The following ARB2A variants were observed in gnomAD, a reference collection of about 807,000 sequenced individuals.
ARB2A encodes the protein ARB2 cotranscriptional regulator A.
chr5:93,808,455 A>C, the ARB2A span, among the ~76,000 whole-genome samples: 13,483 of 151,742 alleles, frequency 0.089, 782 homozygotes, highest in Middle Eastern at 0.17. Flanking sequence ...CAAAGAAAAA[A>C]ATAAAAATGT....
the ARB2A span, among the ~76,000 whole-genome samples, chr5:93,798,803 T>C: frequency 6.6e-6 from 1 of 152,148 alleles, no homozygotes; most frequent in South Asian, 2.1e-4. Context: ...TAAGAGCACA[T>C]ATGCCTTAGT....
At chr5:93,928,957 T>G in the ARB2A span, among the ~76,000 whole-genome samples, 4 of 151,926 alleles carry the variant, frequency 2.6e-5, no homozygotes, top group Non-Finnish European at 5.9e-5. Context: ...AATACTTCAA[T>G]GTACCACGAA....
chr5:93,741,633 C>G, the ARB2A span: 1 of 1,428,410 alleles, frequency 7.0e-7, no homozygotes, highest in African/African-American at 1.4e-5. Flanking sequence ...CAGCCACCGG[C>G]CCCCTCAAGC....
the ARB2A span, chr5:93,683,089 A>G: frequency 6.4e-7 from 1 of 1,561,976 alleles, no homozygotes; most frequent in Non-Finnish European, 8.7e-7. Flanking sequence ...AGTCTTTTCC[A>G]TTCTGATTTG....
the ARB2A span, among the ~76,000 whole-genome samples, chr5:93,705,651 G>GTGTGTGTATA: frequency 1.3e-4 from 17 of 132,938 alleles, no homozygotes; most frequent in African/African-American, 4.3e-4. Flanking sequence ...GTGTGTGTGT[G>GTGTGTGTATA]TATATATATA....
chr5:93,988,488 CGTTAACAT>C, the ARB2A span, among the ~76,000 whole-genome samples: 3 of 152,146 alleles, frequency 2.0e-5, no homozygotes, highest in Admixed American at 6.5e-5. Context: ...TCTTTGCTTA[CGTTAACAT>C]CTCCCTTGCC....
chr5:93,919,962 G>A, the ARB2A span, among the ~76,000 whole-genome samples: 2 of 151,974 alleles, frequency 1.3e-5, no homozygotes, highest in East Asian at 1.9e-4. Flanking sequence ...TCCATAAAGT[G>A]TACATTTGCT....
At chr5:93,901,770 G>A in the ARB2A span, among the ~76,000 whole-genome samples, 4 of 152,148 alleles carry the variant, frequency 2.6e-5, no homozygotes, top group Middle Eastern at 6.8e-3. Flanking sequence ...CAATGTACAA[G>A]GGAATAGCTT....
At chr5:94,098,539 T>A in the ARB2A span, among the ~76,000 whole-genome samples, 2 of 151,548 alleles carry the variant, frequency 1.3e-5, no homozygotes, top group South Asian at 2.1e-4. Context: ...ACTAGAAACA[T>A]CCCAAATTAA....
chr5:93,620,898 T>C, the ARB2A span: 1 of 1,521,332 alleles, frequency 6.6e-7, no homozygotes, highest in Non-Finnish European at 8.8e-7. Context: ...AACAATCTAA[T>C]GAGGGGCTGG....
At chr5:93,880,965 G>A in the ARB2A span, among the ~76,000 whole-genome samples, 1 of 151,588 alleles carries the variant, frequency 6.6e-6, no homozygotes, top group African/African-American at 2.4e-5. Context: ...GTAGATAGTT[G>A]CTCATCGTAA....
chr5:93,741,401 AGATCCCT>A, the ARB2A span: 9 of 1,613,248 alleles, frequency 5.6e-6, no homozygotes, highest in Non-Finnish European at 7.6e-6. Context: ...GGGCCTGGGC[AGATCCCT>A]GGCCTGACTG....
chr5:93,927,672 G>A, the ARB2A span, among the ~76,000 whole-genome samples: 4 of 152,074 alleles, frequency 2.6e-5, no homozygotes, highest in Non-Finnish European at 4.4e-5. Flanking sequence ...AATTGGTTCC[G>A]AATTTAGGTG....
At chr5:93,716,678 G>T in the ARB2A span, among the ~76,000 whole-genome samples, 7 of 105,416 alleles carry the variant, frequency 6.6e-5, no homozygotes, top group Admixed American at 8.9e-4. Flanking sequence ...TCACATTTCT[G>T]TACTATAAGC....
At chr5:93,757,052 T>C in the ARB2A span, among the ~76,000 whole-genome samples, 1 of 152,018 alleles carries the variant, frequency 6.6e-6, no homozygotes, top group Non-Finnish European at 1.5e-5. Context: ...TCAGGAAACT[T>C]TGGGACACAC....
chr5:93,689,504 TAC>T, the ARB2A span, among the ~76,000 whole-genome samples: 1 of 152,220 alleles, frequency 6.6e-6, no homozygotes, highest in African/African-American at 2.4e-5. Flanking sequence ...AGCATTCTCC[TAC>T]AGATCTGACC....
the ARB2A span, among the ~76,000 whole-genome samples, chr5:93,947,660 TC>T: frequency 3.4e-5 from 3 of 87,428 alleles, no homozygotes; most frequent in African/African-American, 1.4e-4. Context: ...ATGCTATCCC[TC>T]CCCCCTCCCC....
chr5:93,885,081 T>G, the ARB2A span, among the ~76,000 whole-genome samples: 1 of 151,612 alleles, frequency 6.6e-6, no homozygotes, highest in Non-Finnish European at 1.5e-5. Context: ...TAAATTTTAC[T>G]GTTTTAAATT....
the ARB2A span, among the ~76,000 whole-genome samples, chr5:93,646,884 T>A: frequency 6.6e-6 from 1 of 152,178 alleles, no homozygotes; most frequent in South Asian, 2.1e-4. Flanking sequence ...AGAATAATAG[T>A]TACCACTTGA....
Sources: allele counts gnomAD v4.1 joint callset (sites outside exome capture counted in the v4.1 genomes callset), GRCh38; gene constraint gnomAD v4.1.1; transcripts MANE v1.5; gene names NCBI Gene and HGNC (gene_info 2026-07-23, HGNC 2026-07-21).